Variants in CBL observed in about 807,000 individuals in gnomAD.
CBL encodes Cbl proto-oncogene.
In CBL, 45 loss-of-function variants were observed where a neutral mutation model predicts 96.9. The ratio of observed to expected loss-of-function variants is 0.46; its 90% CI spans 0.37 to 0.60. The LOEUF is 0.60. Among genes scored for constraint, CBL ranks in the 20% least tolerant of loss-of-function variants. The pLI, the probability that CBL is intolerant of heterozygous loss-of-function variation, is 0.00. For synonymous variants in CBL, 420 were observed against 426.8 expected (o/e 0.98, Z 0.20); for missense variants, 1,024 against 1,143.5 (o/e 0.90, Z 1.51).
chr11:119,262,503 A>T (rs1416283110), intron 2 of CBL, among the ~76,000 whole-genome samples: 1 of 152,228 alleles, frequency 6.6e-6, no homozygotes, highest in Non-Finnish European at 1.5e-5. Context: ...GTTTTATGGG[A>T]ACTCCCTGCG....
At chr11:119,234,137 G>A (rs1383298621) in intron 2 of CBL, among the ~76,000 whole-genome samples, 1 of 152,122 alleles carries the variant, frequency 6.6e-6, no homozygotes, top group African/African-American at 2.4e-5. Context: ...CTCCTTAGTA[G>A]CTGGGATTAC....
intron 5 of CBL, 140 bp from the exon 6 acceptor site, chr11:119,275,857 A>G: frequency 2.3e-6 from 2 of 874,110 alleles, no homozygotes; most frequent in Non-Finnish European, 3.8e-6. Context: ...GCCAGACTCC[A>G]TCTTAAAAAA....
chr11:119,244,915 A>G (rs1275552897), intron 2 of CBL, among the ~76,000 whole-genome samples: 1 of 151,906 alleles, frequency 6.6e-6, no homozygotes, highest in South Asian at 2.1e-4. Flanking sequence ...TGACACAATC[A>G]TAGCTTACTG....
chr11:119,275,859 C>A, intron 5 of CBL, 138 bp from the exon 6 acceptor site: 1 of 910,248 alleles, frequency 1.1e-6, no homozygotes, highest in Non-Finnish European at 1.8e-6. Flanking sequence ...CAGACTCCAT[C>A]TTAAAAAAAG....
chr11:119,215,516 A>AT (rs1949352735), intron 1 of CBL, among the ~76,000 whole-genome samples: 1 of 151,988 alleles, frequency 6.6e-6, no homozygotes, highest in Non-Finnish European at 1.5e-5. Flanking sequence ...AAATACAAAA[A>AT]TTAGCTGGGC....
At chr11:119,280,194 A>G (rs899236719) in intron 9 of CBL, among the ~76,000 whole-genome samples, 4 of 152,212 alleles carry the variant, frequency 2.6e-5, no homozygotes, top group Non-Finnish European at 5.9e-5. Context: ...GCCTGCTTTT[A>G]CAAGTCTGTC....
intron 2 of CBL, among the ~76,000 whole-genome samples, chr11:119,245,956 C>CTTT (rs71048054): frequency 0.017 from 949 of 54,330 alleles, 120 homozygotes; most frequent in Admixed American, 0.023. Context: ...CTTTGCAAAT[C>CTTT]TTTTTTTTTT....
intron 2 of CBL, among the ~76,000 whole-genome samples, chr11:119,236,207 G>A (rs934063997): frequency 6.6e-6 from 1 of 152,020 alleles, no homozygotes; most frequent in African/African-American, 2.4e-5. Context: ...ACTCCCATTA[G>A]CAGTCACTCT....
chr11:119,232,753 A>G, intron 2 of CBL, 58 bp downstream of exon 2: 1 of 1,533,220 alleles, frequency 6.5e-7, no homozygotes, highest in East Asian at 2.2e-5. Context: ...TGAATGGGTA[A>G]CACATAGAAG....
At chr11:119,212,390 CT>C (rs989901110) in intron 1 of CBL, among the ~76,000 whole-genome samples, 1 of 151,730 alleles carries the variant, frequency 6.6e-6, no homozygotes, top group Admixed American at 6.6e-5. Context: ...CTTTGGGAGG[CT>C]GAGGTGGGTG....
At chr11:119,297,546 G>A (rs1038222915) in intron 14 of CBL, 65 bp downstream of exon 14, 2 of 1,230,100 alleles carry the variant, frequency 1.6e-6, no homozygotes, top group Admixed American at 1.7e-5. Context: ...TGTAATATTT[G>A]GCAATTGAGA....
In CBL at chr11:119,306,046, C is replaced by A. The variant is rs886047804; in HGVS notation, c.*6265C>A. 8.1e-6 allele frequency: 3 copies of A among 372,080 alleles called. No homozygotes were observed. The allele number at this position is 372,080 out of a possible 1,614,324, so 23.0% of individuals were successfully genotyped here. On this transcript the variant is annotated 3_prime_UTR_variant, in exon 16 of 16. Transcript: ENST00000264033. The stretch of plus-strand genomic sequence containing the variant: ...GTGCCTTCACTGTGTCCCAGGAAAT[C>A]TGGGTTGGTTCCAGTGGGAAATACC...
rs550380245 is a variant in CBL, at chr11:119,219,849, ATTT to A, written c.196-12583_196-12581del. On this transcript the variant is annotated intron_variant, in intron 1 of 15. Transcript: ENST00000264033. ...TAGGTGGGCACCACCACGCCCGACT[ATTT>A]TTTTTTTTTTTTTTTGAGACGGAGT... Among the ~76,000 whole-genome samples the A allele has an allele frequency of 2.1e-3, 242 of 117,844 alleles. 1 individual carries two copies. Among genetic ancestry groups the A allele is most frequent in the African/African-American group, 1.8e-3 (56 of 30,602 alleles). 77.3% of individuals were successfully genotyped at this position (117,844 alleles called of 152,430 possible).
chr11:119,270,173 A>G (rs2135295171), intron 2 of CBL, among the ~76,000 whole-genome samples: 1 of 151,340 alleles, frequency 6.6e-6, no homozygotes, highest in Middle Eastern at 3.5e-3. Flanking sequence ...GAACAAAGGT[A>G]ATCTGATCAA....
At chr11:119,218,927 T>C (rs1949384909) in intron 1 of CBL, among the ~76,000 whole-genome samples, 1 of 152,212 alleles carries the variant, frequency 6.6e-6, no homozygotes, top group Admixed American at 6.5e-5. Flanking sequence ...CATGAAATTC[T>C]GAAGAAAGGT....
intron 1 of CBL, among the ~76,000 whole-genome samples, chr11:119,223,373 ATTTTG>A (rs1949426877): frequency 6.7e-6 from 1 of 149,088 alleles, no homozygotes; most frequent in Admixed American, 6.7e-5. Flanking sequence ...ACTTTATTTT[ATTTTG>A]TTTTGTTTTA....
At chr11:119,230,136 A>ATTT (rs1463714987) in intron 1 of CBL, among the ~76,000 whole-genome samples, 168 of 152,092 alleles carry the variant, frequency 1.1e-3, no homozygotes, top group African/African-American at 3.7e-3. Flanking sequence ...CGGTGACACA[A>ATTT]GAAAATAGGT....
chr11:119,275,809 C>T (rs1217780953), intron 5 of CBL, among the ~76,000 whole-genome samples, 188 bp from the exon 6 acceptor site: 1 of 152,106 alleles, frequency 6.6e-6, no homozygotes. Flanking sequence ...CTGCAGTGAG[C>T]TGAGATTGTG....
intron 2 of CBL, among the ~76,000 whole-genome samples, chr11:119,270,963 T>C (rs372372975): frequency 8.5e-5 from 13 of 152,256 alleles, no homozygotes; most frequent in South Asian, 2.1e-4. Context: ...TATGCACTTA[T>C]GTAGAAATTT....
Sources: gnomAD v4.1 joint callset for allele counts (sites outside exome capture counted in the v4.1 genomes callset) on GRCh38, gnomAD v4.1.1 for gene constraint, MANE v1.5 for transcripts, NCBI Gene and HGNC (gene_info 2026-07-23, HGNC 2026-07-21) for gene names.